PYY: variants seen among roughly 807,000 people sequenced by gnomAD.
The protein encoded by PYY is peptide YY.
Under a neutral mutation model 10.3 loss-of-function variants are expected in PYY, and 12 were observed. That is an observed-to-expected ratio of 1.17 (90% CI 0.75 to 1.89). The LOEUF is 1.89. Among genes scored for constraint, PYY ranks in the 40% most tolerant of loss-of-function variants. The pLI is 0.00. For missense variants in PYY, 141 were observed against 134.0 expected, an observed-to-expected ratio of 1.05 and a Z score of -0.26; for synonymous variants, 66 against 62.0, an observed-to-expected ratio of 1.06 and a Z score of -0.30.
At chr17:43,953,557 G>C (rs1597840894) in intron 1 of PYY, 74 bp from the exon 2 acceptor site, 1 of 1,376,746 alleles carries the variant, frequency 7.3e-7, no homozygotes, top group Non-Finnish European at 9.7e-7. Flanking sequence ...GGCTGCCGTC[G>C]GGGCCGCGCT....
At chr17:43,973,833 C>T (rs2048811614) in intron 1 of PYY, among the ~76,000 whole-genome samples, 1 of 152,094 alleles carries the variant, frequency 6.6e-6, no homozygotes, top group Non-Finnish European at 1.5e-5. Context: ...AAACAACAGA[C>T]AATCGCAAAA....
At chr17:43,968,351 C>G (rs1011222428) in intron 1 of PYY, among the ~76,000 whole-genome samples, 3 of 152,090 alleles carry the variant, frequency 2.0e-5, no homozygotes, top group Non-Finnish European at 4.4e-5. Context: ...GAAGAAATAA[C>G]ACTGATTTTA....
At chr17:43,953,509 G>T in intron 1 of PYY, 26 bp from the exon 2 acceptor site, 2 of 1,558,938 alleles carry the variant, frequency 1.3e-6, no homozygotes, top group Non-Finnish European at 1.7e-6. Context: ...TGGGACGTGG[G>T]TCATTCCAAG....
At chr17:43,990,329 C>T (rs537390842) in intron 1 of PYY, among the ~76,000 whole-genome samples, 1 of 151,342 alleles carries the variant, frequency 6.6e-6, no homozygotes, top group South Asian at 2.1e-4. Context: ...ATCTCAGCTA[C>T]TCGGGAGGCT....
At position 43,963,519 on chromosome 17, in the gene PYY, A is replaced by AG. The variant is rs1226159777; in HGVS notation, c.-218+2768_-218+2769insC. On this transcript the variant is annotated intron_variant, in intron 2 of 6. Coordinates refer to the PYY transcript ENST00000360085. ...TGAAACTCCATCTCAAAAAAAAAAA[A>AG]AAAGAAAGAAAGAAGGAAGAGAAGG... Among the ~76,000 whole-genome samples, 7 of 149,082 alleles carry AG rather than the reference A, an allele frequency of 4.7e-5. 1 individual carries two copies. The highest frequency in any genetic ancestry group is 2.0e-4 in the East Asian group (1 of 5,102).
At chr17:43,985,351 C>T (rs2048909052) in intron 1 of PYY, among the ~76,000 whole-genome samples, 2 of 152,282 alleles carry the variant, frequency 1.3e-5, no homozygotes, top group Non-Finnish European at 2.9e-5. Flanking sequence ...GCTGGGACTA[C>T]AGGTGCATAC....
chr17:43,990,794 G>GTTTT (rs747130528), intron 1 of PYY, among the ~76,000 whole-genome samples: 1 of 123,696 alleles, frequency 8.1e-6, no homozygotes, highest in Admixed American at 8.4e-5. Flanking sequence ...ATTTAATGTT[G>GTTTT]TTTTTTTTTT....
chr17:43,965,875 A>G (rs993328427), intron 2 of PYY, among the ~76,000 whole-genome samples: 1 of 151,860 alleles, frequency 6.6e-6, no homozygotes, highest in Non-Finnish European at 1.5e-5. Context: ...CAAAACAAAA[A>G]ATGATTTTTT....
In PYY at chr17:43,952,839, C is replaced by T. The variant is rs899364723; in HGVS notation, c.*117G>A. The T allele has an allele frequency of 8.1e-6, 10 of 1,240,038 alleles. No homozygotes were observed. In the African/African-American group the frequency reaches 1.6e-4, roughly 19 times the overall value. The allele number at this position is 1,240,038 out of a possible 1,614,324, so 76.8% of individuals were successfully genotyped here. On this transcript the variant is annotated 3_prime_UTR_variant, in exon 4 of 4. Transcript: ENST00000692052. ...CCGAGACGCGGGCGGAGGGCCGCAC[C>T]CGAACCCTGCCCAGACGCCGCCGTC...
chr17:43,962,833 A>G (rs570085213), intron 2 of PYY, among the ~76,000 whole-genome samples: 33 of 152,184 alleles, frequency 2.2e-4, no homozygotes, highest in Non-Finnish European at 3.7e-4. Flanking sequence ...CAAGGGCACC[A>G]ATGCCCTCGT....
intron 1 of PYY, among the ~76,000 whole-genome samples, chr17:43,976,294 CATGTAT>C (rs1471167602): frequency 2.0e-5 from 3 of 148,610 alleles, no homozygotes; most frequent in East Asian, 2.0e-4. Flanking sequence ...CATATGTATA[CATGTAT>C]ACATATACGT....
chr17:43,972,191 T>TTTTTTTTA (rs1555617856), intron 1 of PYY, among the ~76,000 whole-genome samples: 1 of 138,204 alleles, frequency 7.2e-6, no homozygotes, highest in Non-Finnish European at 1.5e-5. Flanking sequence ...TTTTATTTTA[T>TTTTTTTTA]TTTATTTATT....
intron 3 of PYY, 24 bp downstream of exon 3, chr17:43,953,085 A>T: frequency 6.2e-7 from 1 of 1,612,712 alleles, no homozygotes; most frequent in Non-Finnish European, 8.5e-7. Flanking sequence ...CGGATGCAGG[A>T]TGTGTGGTAA....
intron 2 of PYY, among the ~76,000 whole-genome samples, chr17:43,960,353 G>A (rs2143898051): frequency 6.6e-6 from 1 of 151,656 alleles, no homozygotes; most frequent in Non-Finnish European, 1.5e-5. Flanking sequence ...GACCAGCCTG[G>A]CCAACATGGT....
chr17:43,957,656 CA>C (rs2048683072), upstream of PYY, among the ~76,000 whole-genome samples: 1 of 150,112 alleles, frequency 6.7e-6, no homozygotes, highest in Non-Finnish European at 1.5e-5. Flanking sequence ...GAATCTGTCT[CA>C]AATAAATGAA....
intron 1 of PYY, among the ~76,000 whole-genome samples, chr17:43,988,189 G>A (rs2048927607): frequency 6.6e-6 from 1 of 152,070 alleles, no homozygotes; most frequent in Non-Finnish European, 1.5e-5. Flanking sequence ...CTTCCACCAG[G>A]GTCTCATCCC....
At position 43,963,588 on chromosome 17, in the gene PYY, AAGAAAG is replaced by A. The variant is rs1221084376; in HGVS notation, c.-218+2694_-218+2699del. On this transcript the variant is annotated intron_variant, in intron 2 of 6. Transcript: ENST00000360085. ...AGGAAGGAAAAGAAAGAAAGAAAGA[AAGAAAG>A]AAAGAAAGAAAGAAAGAAAGAAAGA... Among the ~76,000 whole-genome samples, 35 of 74,162 alleles carry A rather than the reference AAGAAAG, an allele frequency of 4.7e-4. No individual in the cohort carries two copies. The East Asian group carries it at 0.018, about 38-fold the overall frequency. 48.7% of individuals were successfully genotyped at this position (74,162 alleles called of 152,430 possible).
At chr17:43,969,859 C>A (rs888385843) in intron 1 of PYY, among the ~76,000 whole-genome samples, 4 of 151,876 alleles carry the variant, frequency 2.6e-5, no homozygotes, top group Non-Finnish European at 5.9e-5. Context: ...TTCTCTGCCT[C>A]AGCCTCCCGA....
intron 1 of PYY, among the ~76,000 whole-genome samples, chr17:43,996,663 G>T (rs1228598626): frequency 2.6e-5 from 4 of 151,662 alleles, no homozygotes; most frequent in South Asian, 2.1e-4. Context: ...TTTATGCTGG[G>T]TTTTTTTGTT....
Sources: gnomAD v4.1 joint callset for allele counts (sites outside exome capture counted in the v4.1 genomes callset) on GRCh38, gnomAD v4.1.1 for gene constraint, MANE v1.5 for transcripts, NCBI Gene and HGNC (gene_info 2026-07-23, HGNC 2026-07-21) for gene names.